RNMT: variants seen among roughly 807,000 people sequenced by gnomAD.
RNMT encodes the protein RNA guanine-7 methyltransferase, also known as mRNA cap guanine-N(7) methyltransferase.
Under a neutral mutation model 56.0 loss-of-function variants are expected in RNMT, and 27 were observed. The observed-to-expected ratio is 0.48, with a 90% CI of 0.36 to 0.67. RNMT has a LOEUF of 0.67. RNMT is among the 30% of genes least tolerant of loss of function. The pLI is 0.00. For missense variants in RNMT, 519 were observed against 552.1 expected (o/e 0.94, Z 0.60); for synonymous variants, 184 against 176.2 (o/e 1.04, Z -0.35).
chr18:13,751,122 A>G (rs1391342653), intron 9 of RNMT, among the ~76,000 whole-genome samples: 3 of 152,230 alleles, frequency 2.0e-5, no homozygotes, highest in Non-Finnish European at 2.9e-5. Flanking sequence ...AATGGGATCT[A>G]ATTAAACTAA....
chr18:13,744,159 C>CTTTTTTTTTTTTTTTTTTTTT lies in RNMT; in HGVS notation c.1139+1513_1139+1533dup, dbSNP rs201093998. Reference sequence around the variant, plus strand: ...ATGCTAAACAAGACCTAGCGGTCTTCTTTTTTTTTTTTTTTTTTTTTTTTT... The same window carrying CTTTTTTTTTTTTTTTTTTTTT: ...ATGCTAAACAAGACCTAGCGGTCTTCTTTTTTTTTTTTTTTTTTTTTTTTTTTTTTTTTTTTTTTTTTTTTT... On this transcript the variant is annotated intron_variant, in intron 8 of 11. Transcript: ENST00000383314. Among the ~76,000 whole-genome samples the CTTTTTTTTTTTTTTTTTTTTT allele has an allele frequency of 5.9e-4, 54 of 91,410 alleles. 10 individuals are homozygous for CTTTTTTTTTTTTTTTTTTTTT. The highest frequency in any genetic ancestry group is 7.4e-4 in the Non-Finnish European group (34 of 45,808). 60.0% of individuals were successfully genotyped at this position (91,410 alleles called of 152,430 possible). A position where few individuals can be genotyped will look rare whatever the true frequency, so the allele number is the denominator to read the frequency against.
intron 3 of RNMT, among the ~76,000 whole-genome samples, chr18:13,734,052 T>C (rs2044118740): frequency 6.6e-6 from 1 of 152,216 alleles, no homozygotes; most frequent in African/African-American, 2.4e-5. Context: ...TTTCTCATGG[T>C]AGTGAATAAG....
intron 8 of RNMT, chr18:13,742,993 C>T (rs1442122757): frequency 1.2e-5 from 2 of 167,362 alleles, no homozygotes; most frequent in African/African-American, 2.5e-5. Context: ...TTTTTAGTGA[C>T]TACTGGTAAC....
rs747978145 is a variant in RNMT at position 13,742,643 on chromosome 18, T to C, written c.1130T>C (p.Leu377Ser). The C allele has an allele frequency of 6.2e-7, 1 of 1,611,692 alleles. No individual in the cohort carries two copies. Among genetic ancestry groups the C allele is most frequent in the South Asian group, 1.1e-5 (1 of 90,542 alleles). The change falls in exon 8 of 12, where the codon TTG becomes TCG. Residue 377 changes from leucine (L) to serine (S), a missense_variant. Physicochemically the swap from Leu to Ser is moderately radical, Grantham distance 145. Transcript: ENST00000383314. Reference protein sequence around the residue: ...DVPEFLVYFPLLNEMAKKYNM... With the variant: ...DVPEFLVYFPSLNEMAKKYNM... ...CCTGAATTCTTGGTCTATTTTCCAT[T>C]GCTAAATGAGTAAGAAGTCATTAAT...
At chr18:13,751,716 C>T (rs2044450643) in intron 9 of RNMT, among the ~76,000 whole-genome samples, 2 of 152,156 alleles carry the variant, frequency 1.3e-5, no homozygotes, top group Non-Finnish European at 2.9e-5. Flanking sequence ...ATGAAACCAA[C>T]CCAGATGTCC....
intron 10 of RNMT, among the ~76,000 whole-genome samples, chr18:13,753,843 A>G (rs1048900460): frequency 1.3e-5 from 2 of 151,238 alleles, no homozygotes; most frequent in African/African-American, 2.4e-5. Flanking sequence ...ACACACACAC[A>G]CACACACAAT....
At chr18:13,738,526 C>A (rs1400520902) in intron 5 of RNMT, among the ~76,000 whole-genome samples, 1 of 152,126 alleles carries the variant, frequency 6.6e-6, no homozygotes. Flanking sequence ...AGAGTAGTTA[C>A]AATATGGAAT....
intron 1 of RNMT, among the ~76,000 whole-genome samples, chr18:13,728,029 A>G (rs2043992312): frequency 6.6e-6 from 1 of 152,196 alleles, no homozygotes; most frequent in African/African-American, 2.4e-5. Context: ...ACTATTGTGA[A>G]TAAACTTGAG....
intron 11 of RNMT, among the ~76,000 whole-genome samples, chr18:13,758,848 G>C (rs1255616356): frequency 6.6e-6 from 1 of 152,134 alleles, no homozygotes; most frequent in African/African-American, 2.4e-5. Context: ...AGATGTGCAA[G>C]TCTTCCTTTC....
chr18:13,752,956 G>A (rs2044476316), intron 10 of RNMT, among the ~76,000 whole-genome samples: 1 of 152,036 alleles, frequency 6.6e-6, no homozygotes, highest in Admixed American at 6.6e-5. Flanking sequence ...GACATCACTA[G>A]AACTGCCACT....
intron 1 of RNMT, among the ~76,000 whole-genome samples, chr18:13,727,465 A>G (rs920190132): frequency 2.6e-5 from 4 of 152,158 alleles, no homozygotes; most frequent in East Asian, 3.8e-4. Flanking sequence ...TTTTCCCCCA[A>G]TTTGTTAAAT....
In RNMT at chr18:13,742,596, C is replaced by T. The variant is rs1178858069; in HGVS notation, c.1083C>T (p.Asn361=). The change falls in exon 8 of 12, where the codon AAC becomes AAT. Residue 361 remains asparagine (N), a synonymous_variant. Coordinates refer to ENST00000383314, the MANE Select transcript of RNMT (RefSeq NM_003799.3). The part of the protein sequence containing the change: ...YPLFGCKYDF[N]LEGVVDVPEF... ...TATTTGGCTGCAAATATGACTTCAA[C>T]TTGGAAGGTGTTGTGGATGTTCCTG... The T allele has an allele frequency of 1.2e-6, 2 of 1,613,650 alleles. No homozygotes were observed. Among genetic ancestry groups the T allele is most frequent in the Non-Finnish European group, 1.7e-6 (2 of 1,179,788 alleles).
At position 13,731,662 on chromosome 18, in the gene RNMT, G is replaced by A. The variant is rs549814394; in HGVS notation, c.145G>A (p.Val49Ile). ...SGTGLSEKTS[V>I]CRQVDIARKR... The stretch of plus-strand genomic sequence containing the variant: ...GACTGGGCTTTCTGAAAAGACTTCT[G>A]TCTGTAGGCAAGTAGACATAGCAAG... The change falls in exon 3 of 12, where the codon GTC (valine) becomes ATC (isoleucine). Residue 49 changes from valine to isoleucine, a missense_variant. Val to Ile is a conservative substitution (Grantham distance 29). Coordinates refer to ENST00000383314, the MANE Select transcript of RNMT (RefSeq NM_003799.3). 2.9e-5 allele frequency: 47 copies of A among 1,614,092 alleles called. No individual in the cohort carries two copies. The East Asian group carries it at 9.4e-4, about 32-fold the overall frequency.
At chr18:13,750,837 C>T (rs2044430623) in intron 9 of RNMT, among the ~76,000 whole-genome samples, 1 of 152,010 alleles carries the variant, frequency 6.6e-6, no homozygotes. Flanking sequence ...TGATCTTTGA[C>T]AAACCTGACA....
At chr18:13,732,328 G>A (rs936235007) in intron 3 of RNMT, among the ~76,000 whole-genome samples, 2 of 152,094 alleles carry the variant, frequency 1.3e-5, no homozygotes, top group African/African-American at 4.8e-5. Context: ...AAAGACTAGA[G>A]TATGAGATCC....
Position 13,740,185 on chromosome 18 carries a change from TCAAA to T in RNMT, c.701_704del (p.Lys234SerfsTer9), listed in dbSNP as rs1440562461. 2 of 1,610,390 alleles carry T rather than the reference TCAAA, an allele frequency of 1.2e-6. No individual in the cohort carries two copies. The highest frequency in any genetic ancestry group is 1.7e-6 in the Non-Finnish European group (2 of 1,176,910). ...CTTCCAGATATTGCCGATGTTTCTG[TCAAA>T]CAGTGTCAGCAGCGGTATGAGGACA... On this transcript the variant is annotated frameshift_variant, in exon 6 of 12. Transcript: ENST00000383314. LOFTEE classifies it high-confidence loss of function.
At position 13,752,323 on chromosome 18, in the gene RNMT, C is replaced by T. The variant is rs1479115805; in HGVS notation, c.1258-3C>T. 1 of 1,594,240 alleles carries T rather than the reference C, an allele frequency of 6.3e-7. No homozygotes were observed. On this transcript the variant is annotated splice_polypyrimidine_tract_variant and splice_region_variant and intron_variant, in intron 9 of 11. Transcript: ENST00000383314. ...TAACTAGGACTTTCATTTCTTTCCC[C>T]AGCCATATCCTGCAAATGAGAGTTC...
chr18:13,752,508 C>A, intron 10 of RNMT, 81 bp downstream of exon 10: 1 of 873,956 alleles, frequency 1.1e-6, no homozygotes, highest in South Asian at 1.5e-5. Flanking sequence ...AATGATTTCA[C>A]TTGTTTACAA....
chr18:13,742,395 A>C lies in RNMT; in HGVS notation c.975-93A>C, dbSNP rs190096696. On this transcript the variant is annotated intron_variant, in intron 7 of 11. Coordinates refer to ENST00000383314, the MANE Select transcript of RNMT (RefSeq NM_003799.3). The stretch of plus-strand genomic sequence containing the variant: ...TTAAAAGGCTAATCAAGTGTGCATC[A>C]TGTAGTTTTTCACATGCATAATCTG... The C allele has an allele frequency of 3.6e-4, 408 of 1,124,908 alleles. No individual in the cohort carries two copies. In the African/African-American group the frequency reaches 5.7e-3, roughly 16 times the overall value. The allele number at this position is 1,124,908 out of a possible 1,614,324, so 69.7% of individuals were successfully genotyped here. A position where few individuals can be genotyped will look rare whatever the true frequency, so the allele number is the denominator to read the frequency against.
Sources: allele counts gnomAD v4.1 joint callset (sites outside exome capture counted in the v4.1 genomes callset), GRCh38; gene constraint gnomAD v4.1.1; transcripts MANE v1.5; gene names NCBI Gene and HGNC (gene_info 2026-07-23, HGNC 2026-07-21).